ST6GAL1: variants seen among roughly 807,000 people sequenced by gnomAD.
The protein encoded by ST6GAL1 is ST6 beta-galactoside alpha-2,6-sialyltransferase 1.
ST6GAL1 carries 20 observed loss-of-function variants against 38.0 expected under a neutral mutation model. That is an observed-to-expected ratio of 0.53 (90% CI 0.37 to 0.77). The LOEUF (loss-of-function observed/expected upper bound fraction) is 0.77, where lower values mean the gene tolerates loss of function less well. ST6GAL1 is among the 30% of genes least tolerant of loss of function. The pLI is 0.00. For missense variants in ST6GAL1, 432 were observed against 496.4 expected (o/e 0.87, Z 1.23); for synonymous variants, 196 against 188.2 (o/e 1.04, Z -0.34).
Position 187,034,821 on chromosome 3 carries a change from A to C in ST6GAL1, c.-182-3921A>C, listed in dbSNP as rs928714417. Reference sequence around the variant, plus strand: ...TCATACTGAATGGGTAAAAACTGGAAGCATTCTCCTTGAGAACTGAAACAA... The same window carrying C: ...TCATACTGAATGGGTAAAAACTGGACGCATTCTCCTTGAGAACTGAAACAA... On this transcript the variant is annotated intron_variant, in intron 2 of 7. Coordinates refer to ENST00000169298, the MANE Select transcript of ST6GAL1 (RefSeq NM_173216.2). 2.6e-5 allele frequency among the ~76,000 whole-genome samples: 4 copies of C among 152,240 alleles called. No individual in the cohort carries two copies. In the East Asian group the frequency reaches 7.7e-4, roughly 29 times the overall value.
intron 5 of ST6GAL1, among the ~76,000 whole-genome samples, chr3:187,057,680 G>C (rs1247623039): frequency 1.3e-5 from 2 of 152,130 alleles, no homozygotes; most frequent in African/African-American, 2.4e-5. Flanking sequence ...TCCCAGTGGG[G>C]CAACTGCCTG....
At chr3:186,993,566 T>TTATA (rs1349297328) in intron 2 of ST6GAL1, among the ~76,000 whole-genome samples, 1 of 38,108 alleles carries the variant, frequency 2.6e-5, no homozygotes, top group Non-Finnish European at 6.6e-5. Context: ...TTTTATTTAT[T>TTATA]TATTTATTTA....
intron 5 of ST6GAL1, among the ~76,000 whole-genome samples, chr3:187,066,376 A>G (rs1719130830): frequency 6.6e-6 from 1 of 151,978 alleles, no homozygotes; most frequent in Admixed American, 6.6e-5. Context: ...TGTTGTAAGG[A>G]CACTGGCCCC....
chr3:187,042,637 T>C lies in ST6GAL1; in HGVS notation c.-50-17T>C. 6.5e-7 allele frequency: 1 copy of C among 1,530,998 alleles called. No homozygotes were observed. Among genetic ancestry groups the C allele is most frequent in the Non-Finnish European group, 8.7e-7 (1 of 1,144,422 alleles). The allele number at this position is 1,530,998 out of a possible 1,614,324, so 94.8% of individuals were successfully genotyped here. On this transcript the variant is annotated splice_polypyrimidine_tract_variant and intron_variant, in intron 3 of 7. Coordinates refer to ENST00000169298, the MANE Select transcript of ST6GAL1 (RefSeq NM_173216.2). The stretch of plus-strand genomic sequence containing the variant: ...TTTCTTTACATCATTTGTTTTTCCT[T>C]GTCTCACTTTTTTTAGGCTTGTTTT...
chr3:187,035,287 T>C (rs1217980819), intron 2 of ST6GAL1, among the ~76,000 whole-genome samples: 1 of 152,238 alleles, frequency 6.6e-6, no homozygotes, highest in Non-Finnish European at 1.5e-5. Flanking sequence ...TTCGTGTTCA[T>C]GGATTAAAAG....
At chr3:186,987,010 G>GT (rs1715948015) in intron 2 of ST6GAL1, among the ~76,000 whole-genome samples, 3 of 152,090 alleles carry the variant, frequency 2.0e-5, no homozygotes. Context: ...TACAGGCTTA[G>GT]TTCCCTAATG....
intron 2 of ST6GAL1, among the ~76,000 whole-genome samples, chr3:186,968,198 AG>A (rs555231147): frequency 1.5e-4 from 23 of 152,194 alleles, no homozygotes; most frequent in Admixed American, 4.6e-4. Flanking sequence ...ACCTGACCAT[AG>A]CTGCATGACC....
At chr3:186,988,216 C>T (rs962167927) in intron 2 of ST6GAL1, among the ~76,000 whole-genome samples, 16 of 152,072 alleles carry the variant, frequency 1.1e-4, no homozygotes, top group Admixed American at 4.6e-4. Context: ...TTCTCATAGA[C>T]GACATGGTAA....
Position 187,038,837 on chromosome 3 carries a change from A to T in ST6GAL1, c.-87A>T, listed in dbSNP as rs574636083. ...AATAGTGCTAATTCCTGAGGACCTG[A>T]AGGGCCTGCCGCCCCTGGGGGATTA... On this transcript the variant is annotated 5_prime_UTR_variant, in exon 3 of 8. Coordinates refer to ENST00000169298, the MANE Select transcript of ST6GAL1 (RefSeq NM_173216.2). 6.6e-6 allele frequency: 1 copy of T among 152,316 alleles called. No homozygotes were observed. The highest frequency in any genetic ancestry group is 1.9e-4 in the East Asian group (1 of 5,186). 9.4% of individuals were successfully genotyped at this position (152,316 alleles called of 1,614,324 possible).
Position 187,043,032 on chromosome 3 carries a change from A to G in ST6GAL1, c.329A>G (p.Gln110Arg), listed in dbSNP as rs777923061. The G allele has an allele frequency of 1.2e-6, 2 of 1,614,208 alleles. No individual in the cohort carries two copies. The highest frequency in any genetic ancestry group is 1.7e-6 in the Non-Finnish European group (2 of 1,180,036). Reference sequence around the variant, plus strand: ...TCCAAAAACCTTATCCCTAGGCTGCAAAAGATCTGGAAGAATTACCTAAGC... The same window carrying G: ...TCCAAAAACCTTATCCCTAGGCTGCGAAAGATCTGGAAGAATTACCTAAGC... ...SSSKNLIPRL[Q>R]KIWKNYLSMN... is the part of the protein sequence containing the mutation. The change falls in exon 4 of 8, where the codon CAA becomes CGA. Residue 110 changes from glutamine to arginine, a missense_variant. Physicochemically the swap from Gln to Arg is conservative, Grantham distance 43 (BLOSUM62 1). Coordinates refer to ENST00000169298, the MANE Select transcript of ST6GAL1 (RefSeq NM_173216.2).
chr3:187,077,861 G>T lies in ST6GAL1; in HGVS notation c.*2058G>T, dbSNP rs1479006284. The T allele has an allele frequency of 6.6e-6, 1 of 152,502 alleles. No homozygotes were observed. The highest frequency in any genetic ancestry group is 1.5e-5 in the Non-Finnish European group (1 of 68,110). 9.4% of individuals were successfully genotyped at this position (152,502 alleles called of 1,614,324 possible). A position where few individuals can be genotyped will look rare whatever the true frequency, so the allele number is the denominator to read the frequency against. On this transcript the variant is annotated 3_prime_UTR_variant, in exon 8 of 8. Transcript: ENST00000169298. ...TTGGGAGACAACAACTGTCCTCCTT[G>T]GAACACCCAAGAAACCATGCAAAGC... is the stretch of plus-strand genomic sequence containing the variant.
chr3:186,988,509 C>T (rs1716034405), intron 2 of ST6GAL1, among the ~76,000 whole-genome samples: 1 of 139,904 alleles, frequency 7.1e-6, no homozygotes, highest in Non-Finnish European at 1.5e-5. Flanking sequence ...ATGTAAAGAC[C>T]TAGCTGTAGG....
At chr3:186,962,694 A>G (rs1228215308) in intron 1 of ST6GAL1, among the ~76,000 whole-genome samples, 1 of 152,206 alleles carries the variant, frequency 6.6e-6, no homozygotes, top group Non-Finnish European at 1.5e-5. Flanking sequence ...TCCAAAGAAA[A>G]TAATCATGGG....
At chr3:187,005,269 CTTTTTT>C (rs58085172) in intron 2 of ST6GAL1, among the ~76,000 whole-genome samples, 1 of 103,956 alleles carries the variant, frequency 9.6e-6, no homozygotes, top group Non-Finnish European at 2.0e-5. Flanking sequence ...TTTTCTTTTT[CTTTTTT>C]TTTTTTTTTT....
intron 7 of ST6GAL1, among the ~76,000 whole-genome samples, chr3:187,074,729 G>T (rs886215085): frequency 1.1e-4 from 17 of 152,066 alleles, no homozygotes; most frequent in Admixed American, 4.6e-4. Context: ...GCTATGAACA[G>T]GGGAGGGAGG....
intron 2 of ST6GAL1, among the ~76,000 whole-genome samples, chr3:187,027,092 C>G (rs1301304850): frequency 6.6e-6 from 1 of 151,428 alleles, no homozygotes; most frequent in Non-Finnish European, 1.5e-5. Flanking sequence ...ATAAAATAAA[C>G]AAATAAATAA....
chr3:187,038,198 T>TTTTC, intron 2 of ST6GAL1, among the ~76,000 whole-genome samples: 2 of 81,738 alleles, frequency 2.4e-5, no homozygotes, highest in Admixed American at 1.2e-4. Context: ...AGTCTATTTC[T>TTTTC]TTTTTTTTTT....
intron 5 of ST6GAL1, among the ~76,000 whole-genome samples, chr3:187,055,185 CTCTTT>C (rs1416653579): frequency 1.3e-5 from 2 of 150,848 alleles, no homozygotes; most frequent in Admixed American, 1.3e-4. Flanking sequence ...TGATTCTTCT[CTCTTT>C]TCTTCTTTAT....
intron 1 of ST6GAL1, among the ~76,000 whole-genome samples, chr3:186,949,957 C>T (rs568980893): frequency 3.6e-4 from 55 of 152,296 alleles, no homozygotes; most frequent in South Asian, 8.3e-4. Flanking sequence ...CACATGTGAA[C>T]GGTTATTCTC....
Sources: allele counts gnomAD v4.1 joint callset (sites outside exome capture counted in the v4.1 genomes callset), GRCh38; gene constraint gnomAD v4.1.1; transcripts MANE v1.5; gene names NCBI Gene and HGNC (gene_info 2026-07-23, HGNC 2026-07-21).